TMEFF2: variants seen among roughly 807,000 people sequenced by gnomAD.
TMEFF2 encodes tomoregulin-2.
Under a neutral mutation model 53.8 loss-of-function variants are expected in TMEFF2, and 28 were observed. That is an observed-to-expected ratio of 0.52 (90% CI 0.39 to 0.71). The LOEUF is 0.71. TMEFF2 is among the 30% of genes least tolerant of loss of function. The probability of loss-of-function intolerance (pLI) is 0.00; values close to 1 mark genes in which losing one functional copy is unlikely to be tolerated. For missense variants in TMEFF2, 353 were observed against 455.2 expected (o/e 0.78, Z 2.04); for synonymous variants, 162 against 166.3 (o/e 0.97, Z 0.20).
chr2:191,991,688 C>G (rs1347616794), intron 7 of TMEFF2, among the ~76,000 whole-genome samples: 5 of 152,050 alleles, frequency 3.3e-5, no homozygotes. Context: ...AGATAAGTAA[C>G]ACTGCAAGGT....
At chr2:192,133,888 C>T (rs1689926496) in intron 4 of TMEFF2, among the ~76,000 whole-genome samples, 1 of 152,168 alleles carries the variant, frequency 6.6e-6, no homozygotes, top group African/African-American at 2.4e-5. Context: ...CCCTGCTGAT[C>T]GTGTCCGATT....
intron 4 of TMEFF2, among the ~76,000 whole-genome samples, chr2:192,155,424 A>G (rs185484432): frequency 5.8e-4 from 88 of 152,118 alleles, no homozygotes; most frequent in African/African-American, 2.1e-3. Flanking sequence ...CACTTGGCTT[A>G]CAGTAACTGT....
intron 9 of TMEFF2, 39 bp downstream of exon 9, chr2:191,953,640 A>G (rs1691957921): frequency 1.2e-6 from 2 of 1,603,848 alleles, no homozygotes; most frequent in Non-Finnish European, 1.7e-6. Flanking sequence ...GTAACAATAT[A>G]TCCCTTTATT....
chr2:191,969,145 GTGTGTGTGTA>G (rs1398148732), intron 7 of TMEFF2, among the ~76,000 whole-genome samples: 3 of 151,466 alleles, frequency 2.0e-5, no homozygotes, highest in Non-Finnish European at 4.4e-5. Flanking sequence ...GTATCTATGT[GTGTGTGTGTA>G]TATATATATA....
In TMEFF2 at chr2:192,134,197, G is replaced by A. The variant is rs186244057; in HGVS notation, c.439+45471C>T. On this transcript the variant is annotated intron_variant, in intron 4 of 9. Coordinates refer to ENST00000272771, the MANE Select transcript of TMEFF2 (RefSeq NM_016192.4). ...TGACGCATATACTTTCTGCTCCCTG[G>A]CTCCTTCAGCTGTACTCACTCTTCG... Among the ~76,000 whole-genome samples the A allele has an allele frequency of 6.5e-3, 987 of 152,070 alleles. 7 individuals are homozygous for A. The highest frequency in any genetic ancestry group is 0.022 in the African/African-American group (912 of 41,466).
chr2:192,167,419 G>C (rs1254537650), intron 4 of TMEFF2, among the ~76,000 whole-genome samples: 1 of 152,080 alleles, frequency 6.6e-6, no homozygotes. Flanking sequence ...GAAATGTTAA[G>C]AGAATGTATA....
At chr2:191,995,381 A>G (rs1331523258) in intron 7 of TMEFF2, among the ~76,000 whole-genome samples, 3 of 151,988 alleles carry the variant, frequency 2.0e-5, no homozygotes, top group Non-Finnish European at 2.9e-5. Context: ...AAATGATAGT[A>G]TGTTAGATCC....
At chr2:192,047,561 G>A (rs1687654309) in intron 5 of TMEFF2, among the ~76,000 whole-genome samples, 1 of 152,178 alleles carries the variant, frequency 6.6e-6, no homozygotes, top group Non-Finnish European at 1.5e-5. Context: ...CAAATGCATT[G>A]TCCTGATTTC....
intron 4 of TMEFF2, among the ~76,000 whole-genome samples, chr2:192,120,908 G>T (rs1689535887): frequency 1.3e-5 from 2 of 151,862 alleles, no homozygotes. Context: ...GCTAATTTTT[G>T]TATTTTTAGT....
intron 4 of TMEFF2, among the ~76,000 whole-genome samples, chr2:192,137,624 A>G (rs1418906911): frequency 2.0e-5 from 3 of 152,062 alleles, no homozygotes; most frequent in African/African-American, 7.2e-5. Context: ...GGCAAGACCA[A>G]TAGTGGAGAG....
intron 5 of TMEFF2, among the ~76,000 whole-genome samples, chr2:192,049,023 C>G (rs1365813400): frequency 6.6e-6 from 1 of 152,186 alleles, no homozygotes; most frequent in African/African-American, 2.4e-5. Flanking sequence ...AAAAGAACTT[C>G]AAGGGCATCA....
chr2:192,073,235 G>A (rs948371865), intron 4 of TMEFF2, among the ~76,000 whole-genome samples: 1 of 151,888 alleles, frequency 6.6e-6, no homozygotes, highest in Non-Finnish European at 1.5e-5. Context: ...TTTTATATCA[G>A]CTGTACCTGG....
intron 7 of TMEFF2, among the ~76,000 whole-genome samples, chr2:191,993,504 C>T (rs1294700172): frequency 6.6e-6 from 1 of 152,000 alleles, no homozygotes; most frequent in Non-Finnish European, 1.5e-5. Context: ...CCAGGACTTA[C>T]ATTTTTCACG....
At position 192,037,624 on chromosome 2, in the gene TMEFF2, GAGGAGAGAAAGAGAGAGAA is replaced by G. The variant is rs1332380416; in HGVS notation, c.536+20036_536+20054del. ...TGCGTGTGTGAGAGAGAAAGAGAGA[GAGGAGAGAAAGAGAGAGAA>G]AGAGAGAGAGAGAGAGAGAGAGAGA... On this transcript the variant is annotated intron_variant, in intron 5 of 9. Transcript: ENST00000272771. Among the ~76,000 whole-genome samples the G allele has an allele frequency of 3.4e-3, 298 of 87,074 alleles. 1 individual carries two copies. The highest frequency in any genetic ancestry group is 0.017 in the Middle Eastern group (3 of 180). 57.1% of individuals were successfully genotyped at this position (87,074 alleles called of 152,430 possible).
chr2:192,114,705 T>C (rs1689360218), intron 4 of TMEFF2, among the ~76,000 whole-genome samples: 1 of 151,872 alleles, frequency 6.6e-6, no homozygotes, highest in African/African-American at 2.4e-5. Flanking sequence ...AATAAAATAC[T>C]TGTAAATAAA....
At chr2:191,998,027 A>G (rs1686264381) in intron 7 of TMEFF2, among the ~76,000 whole-genome samples, 1 of 151,970 alleles carries the variant, frequency 6.6e-6, no homozygotes, top group African/African-American at 2.4e-5. Context: ...AAGACAAGCT[A>G]ATTATATCTT....
rs1344685879 is a variant in TMEFF2 at position 192,133,017 on chromosome 2, C to A, written c.439+46651G>T. Reference sequence around the variant, plus strand: ...GAGGCTACCCACTCCACATTACCTTCTTTTCAAGGGCCTGTTGCCCTTGCC... The same window carrying A: ...GAGGCTACCCACTCCACATTACCTTATTTTCAAGGGCCTGTTGCCCTTGCC... On this transcript the variant is annotated intron_variant, in intron 4 of 9. Coordinates refer to ENST00000272771, the MANE Select transcript of TMEFF2 (RefSeq NM_016192.4). Among the ~76,000 whole-genome samples the A allele has an allele frequency of 1.3e-5, 2 of 152,134 alleles. 1 individual carries two copies. The highest frequency in any genetic ancestry group is 2.9e-5 in the Non-Finnish European group (2 of 68,020).
intron 1 of TMEFF2, among the ~76,000 whole-genome samples, chr2:192,193,793 GA>G (rs1691529360): frequency 2.4e-5 from 3 of 125,518 alleles, no homozygotes; most frequent in African/African-American, 8.6e-5. Context: ...GAGAGAGAGA[GA>G]GAGAGAGAGA....
chr2:192,183,921 G>C (rs1377296755), intron 3 of TMEFF2, among the ~76,000 whole-genome samples: 3 of 152,110 alleles, frequency 2.0e-5, no homozygotes, highest in African/African-American at 7.2e-5. Context: ...GCTAAGATTA[G>C]ACGTCAACTT....
Sources: allele counts gnomAD v4.1 joint callset (sites outside exome capture counted in the v4.1 genomes callset), GRCh38; gene constraint gnomAD v4.1.1; transcripts MANE v1.5; gene names NCBI Gene and HGNC (gene_info 2026-07-23, HGNC 2026-07-21).